Variants in SLC25A21 observed in about 807,000 individuals in gnomAD.
SLC25A21 encodes the protein solute carrier family 25 member 21.
In SLC25A21, 47 loss-of-function variants were observed where a neutral mutation model predicts 43.8. That is an observed-to-expected ratio of 1.07 (90% CI 0.85 to 1.37). The LOEUF is 1.37. SLC25A21 is among the 40% of genes most tolerant of loss of function. The probability of loss-of-function intolerance (pLI) is 0.00; values close to 1 mark genes in which losing one functional copy is unlikely to be tolerated. For missense variants in SLC25A21, 352 were observed against 350.2 expected, an observed-to-expected ratio of 1.00 and a Z score of -0.04; for synonymous variants, 131 against 121.3, an observed-to-expected ratio of 1.08 and a Z score of -0.52.
chr14:36,703,228 CTCTG>C (rs1389394166), intron 7 of SLC25A21, among the ~76,000 whole-genome samples: 2 of 152,130 alleles, frequency 1.3e-5, no homozygotes, highest in Admixed American at 6.5e-5. Context: ...ATATAAACAG[CTCTG>C]TCTAAGTTCT....
chr14:37,117,135 T>C (rs906352769), intron 1 of SLC25A21, among the ~76,000 whole-genome samples: 2 of 152,190 alleles, frequency 1.3e-5, no homozygotes, highest in Non-Finnish European at 2.9e-5. Context: ...ACTCATTTTA[T>C]TTTTCAACAT....
At chr14:36,942,422 G>A (rs1291946935) in intron 1 of SLC25A21, among the ~76,000 whole-genome samples, 1 of 152,196 alleles carries the variant, frequency 6.6e-6, no homozygotes, top group Non-Finnish European at 1.5e-5. Flanking sequence ...GTGGCGGACG[G>A]CGGTAGGACA....
chr14:37,147,929 C>G (rs1375919615), intron 1 of SLC25A21, among the ~76,000 whole-genome samples: 2 of 147,632 alleles, frequency 1.4e-5, no homozygotes, highest in African/African-American at 2.5e-5. Context: ...GCAACCTCCG[C>G]CTCCCGGGTA....
intron 1 of SLC25A21, among the ~76,000 whole-genome samples, chr14:37,040,670 A>G (rs1408151964): frequency 6.6e-6 from 1 of 152,076 alleles, no homozygotes; most frequent in Non-Finnish European, 1.5e-5. Flanking sequence ...GACCAGAGAC[A>G]CCAACTAAGA....
chr14:36,700,201 T>C (rs1033237405), intron 7 of SLC25A21, among the ~76,000 whole-genome samples: 3 of 152,298 alleles, frequency 2.0e-5, no homozygotes, highest in African/African-American at 7.2e-5. Flanking sequence ...TGCCAACTTC[T>C]TGATGTAAAA....
At chr14:37,154,497 CACA>C (rs1473192926) in intron 1 of SLC25A21, among the ~76,000 whole-genome samples, 1 of 151,988 alleles carries the variant, frequency 6.6e-6, no homozygotes, top group Non-Finnish European at 1.5e-5. Flanking sequence ...TCCAAAGGAA[CACA>C]ACAATTCTCC....
intron 1 of SLC25A21, among the ~76,000 whole-genome samples, chr14:37,099,134 G>A (rs866578709): frequency 2.6e-5 from 4 of 151,982 alleles, no homozygotes; most frequent in Non-Finnish European, 4.4e-5. Context: ...CTCTGGAATT[G>A]AGACCACATT....
At chr14:36,783,135 A>G (rs568292055) in intron 3 of SLC25A21, among the ~76,000 whole-genome samples, 1 of 142,372 alleles carries the variant, frequency 7.0e-6, no homozygotes, top group South Asian at 2.2e-4. Context: ...CCTTATTTCA[A>G]TCCTGCAGAG....
intron 1 of SLC25A21, among the ~76,000 whole-genome samples, chr14:37,099,622 A>G (rs1465368075): frequency 6.6e-6 from 1 of 152,078 alleles, no homozygotes; most frequent in African/African-American, 2.4e-5. Flanking sequence ...CCCAGGTAAG[A>G]AAGTGTTTGT....
chr14:36,801,060 T>C (rs1887853951), intron 3 of SLC25A21, among the ~76,000 whole-genome samples: 1 of 152,190 alleles, frequency 6.6e-6, no homozygotes, highest in African/African-American at 2.4e-5. Flanking sequence ...TCCCTATTCC[T>C]GAGGCAGAGC....
intron 3 of SLC25A21, among the ~76,000 whole-genome samples, chr14:36,745,226 C>T (rs968070728): frequency 6.6e-5 from 10 of 152,190 alleles, no homozygotes; most frequent in African/African-American, 2.4e-4. Context: ...GCCACATTTT[C>T]TTTATCCAGT....
In SLC25A21 at chr14:36,679,517, TAA is replaced by T; in HGVS notation, c.*1139_*1140del. ...TCAGCATCATCTCTGGATGCAGATA[TAA>T]AATCAAGTTTGGTTACATCAAGACC... On this transcript the variant is annotated 3_prime_UTR_variant, in exon 10 of 10. Coordinates refer to ENST00000331299, the MANE Select transcript of SLC25A21 (RefSeq NM_030631.4). 1.5e-5 allele frequency: 15 copies of T among 985,432 alleles called. No individual in the cohort carries two copies. Among genetic ancestry groups the T allele is most frequent in the Non-Finnish European group, 1.8e-5 (15 of 829,910 alleles). 61.0% of individuals were successfully genotyped at this position (985,432 alleles called of 1,614,324 possible).
chr14:36,838,226 T>C (rs1467317102), intron 2 of SLC25A21, among the ~76,000 whole-genome samples: 1 of 152,180 alleles, frequency 6.6e-6, no homozygotes, highest in Non-Finnish European at 1.5e-5. Context: ...ACGGGCTTGC[T>C]GATATGGAGT....
intron 1 of SLC25A21, among the ~76,000 whole-genome samples, chr14:37,122,484 C>A (rs1963226286): frequency 6.6e-6 from 1 of 152,222 alleles, no homozygotes. Context: ...TTAATTACTT[C>A]TGTCAAAGTG....
At chr14:37,169,397 GACTTCACTTCCTGAGTTATCCTCAGC>G (rs1158503696) in intron 1 of SLC25A21, among the ~76,000 whole-genome samples, 2 of 151,986 alleles carry the variant, frequency 1.3e-5, no homozygotes, top group Non-Finnish European at 2.9e-5. Context: ...GAGATGGAGA[GACTTCACTTCCTGAGTTATCCTCAGC>G]ACTCCAGCCC....
chr14:37,044,619 C>G (rs1416711786), intron 1 of SLC25A21, among the ~76,000 whole-genome samples: 1 of 152,108 alleles, frequency 6.6e-6, no homozygotes, highest in African/African-American at 2.4e-5. Context: ...TGATCATTCT[C>G]TTTAGTTTTA....
intron 1 of SLC25A21, among the ~76,000 whole-genome samples, chr14:36,940,745 T>A (rs1892535582): frequency 6.6e-6 from 1 of 152,180 alleles, no homozygotes. Context: ...GACTTTCAGA[T>A]GACCATCTTT....
chr14:36,817,231 T>C (rs544405731), intron 2 of SLC25A21, among the ~76,000 whole-genome samples: 24 of 152,056 alleles, frequency 1.6e-4, no homozygotes, highest in Non-Finnish European at 2.8e-4. Context: ...AAAACCTATA[T>C]AAGAGGAAAT....
intron 1 of SLC25A21, among the ~76,000 whole-genome samples, chr14:37,116,493 C>A (rs961014007): frequency 2.0e-5 from 3 of 152,048 alleles, no homozygotes; most frequent in African/African-American, 7.2e-5. Context: ...CCAAACTAAC[C>A]AGAACATATC....
Sources: gnomAD v4.1 joint callset for allele counts (sites outside exome capture counted in the v4.1 genomes callset) on GRCh38, gnomAD v4.1.1 for gene constraint, MANE v1.5 for transcripts, NCBI Gene and HGNC (gene_info 2026-07-23, HGNC 2026-07-21) for gene names.